The following TSPAN18 variants were observed in gnomAD, a reference collection of about 807,000 sequenced individuals.
The protein encoded by TSPAN18 is tetraspanin-18.
In TSPAN18, 14 loss-of-function variants were observed where a neutral mutation model predicts 27.3. The ratio of observed to expected loss-of-function variants is 0.51; its 90% CI spans 0.34 to 0.80. The LOEUF (loss-of-function observed/expected upper bound fraction) is 0.80. TSPAN18 is among the 30% of genes least tolerant of loss of function. TSPAN18 has a pLI of 0.01. For synonymous variants in TSPAN18, 143 were observed against 136.5 expected (o/e 1.05, Z -0.33); for missense variants, 268 against 323.9 (o/e 0.83, Z 1.32).
At chr11:44,810,604 CTTT>C (rs34519569) in intron 2 of TSPAN18, among the ~76,000 whole-genome samples, 5 of 138,442 alleles carry the variant, frequency 3.6e-5, no homozygotes, top group Admixed American at 7.4e-5. Context: ...AATTTTTTTT[CTTT>C]TTTTTTTTTT....
chr11:44,727,444 C>T (rs2134777601), intron 1 of TSPAN18, among the ~76,000 whole-genome samples, 157 bp downstream of exon 1: 1 of 152,252 alleles, frequency 6.6e-6, no homozygotes, highest in Non-Finnish European at 1.5e-5. Flanking sequence ...AACCAAGTTC[C>T]ACTCAAACTA....
chr11:44,892,516 G>A (rs1858888101), intron 3 of TSPAN18, among the ~76,000 whole-genome samples: 1 of 152,242 alleles, frequency 6.6e-6, no homozygotes, highest in South Asian at 2.1e-4. Context: ...CTGACAAAGT[G>A]GCAAAGTAAC....
At chr11:44,848,364 TGCTGGCTCC>T (rs1857527542) in intron 2 of TSPAN18, among the ~76,000 whole-genome samples, 1 of 152,224 alleles carries the variant, frequency 6.6e-6, no homozygotes, top group Non-Finnish European at 1.5e-5. Context: ...AGGCTGGCTC[TGCTGGCTCC>T]ACTGAGCTGC....
intron 2 of TSPAN18, among the ~76,000 whole-genome samples, chr11:44,839,724 G>C (rs1028844644): frequency 6.6e-6 from 1 of 152,068 alleles, no homozygotes; most frequent in Non-Finnish European, 1.5e-5. Flanking sequence ...GAGCATGCAA[G>C]CGGGGAGGGA....
At chr11:44,835,222 G>C (rs369189221) in intron 2 of TSPAN18, among the ~76,000 whole-genome samples, 81 of 152,340 alleles carry the variant, frequency 5.3e-4, no homozygotes, top group African/African-American at 1.8e-3. Context: ...CTGGAGTATG[G>C]GCAGCCCCCA....
chr11:44,822,300 T>A (rs1856943902), intron 2 of TSPAN18, among the ~76,000 whole-genome samples: 1 of 152,152 alleles, frequency 6.6e-6, no homozygotes, highest in Non-Finnish European at 1.5e-5. Context: ...GTTAAGGCAG[T>A]GCCAGATGCT....
intron 3 of TSPAN18, among the ~76,000 whole-genome samples, chr11:44,870,956 G>C (rs954185358): frequency 4.6e-5 from 7 of 152,168 alleles, no homozygotes; most frequent in Non-Finnish European, 1.0e-4. Context: ...GTGGCATAGA[G>C]ACTGGAGAGG....
intron 1 of TSPAN18, among the ~76,000 whole-genome samples, chr11:44,755,499 C>T (rs1250593723): frequency 6.6e-6 from 1 of 151,992 alleles, no homozygotes; most frequent in Admixed American, 6.6e-5. Context: ...GTTCTCAGCG[C>T]TCAGGTGGCT....
chr11:44,778,065 G>T (rs1427733785), intron 2 of TSPAN18, among the ~76,000 whole-genome samples: 1 of 152,112 alleles, frequency 6.6e-6, no homozygotes, highest in African/African-American at 2.4e-5. Flanking sequence ...CAGGTGGGGG[G>T]TGGGGCAGTT....
intron 2 of TSPAN18, among the ~76,000 whole-genome samples, chr11:44,821,698 G>A (rs1206200904): frequency 5.0e-5 from 3 of 59,634 alleles, no homozygotes; most frequent in Non-Finnish European, 1.3e-4. Context: ...GGTCAGGGAT[G>A]GTTTCTTCTT....
rs1198407640 is a variant in TSPAN18, at chr11:44,785,856, T to A, written c.-153+21344T>A. Among the ~76,000 whole-genome samples the A allele has an allele frequency of 2.0e-5, 3 of 152,078 alleles. No homozygotes were observed. The East Asian group carries it at 5.8e-4, about 29-fold the overall frequency. ...GATGCTGGGGTTCGAGGGGCAAGAG[T>A]GGGAGGTGCCCACAAACTTGCTGGC... is the stretch of plus-strand genomic sequence containing the variant. On this transcript the variant is annotated intron_variant, in intron 2 of 9. Coordinates refer to ENST00000520358, the MANE Select transcript of TSPAN18 (RefSeq NM_130783.5).
intron 3 of TSPAN18, among the ~76,000 whole-genome samples, chr11:44,882,383 C>T (rs1325615047): frequency 1.3e-5 from 2 of 152,144 alleles, no homozygotes; most frequent in Admixed American, 6.5e-5. Flanking sequence ...GAGGCTACCT[C>T]GGGCAAGCAG....
chr11:44,811,375 A>G (rs1033613945), intron 2 of TSPAN18, among the ~76,000 whole-genome samples: 9 of 152,164 alleles, frequency 5.9e-5, no homozygotes, highest in African/African-American at 1.7e-4. Flanking sequence ...ACACTCTACA[A>G]TTAGCCTTGG....
At chr11:44,789,711 A>AG (rs1323947933) in intron 2 of TSPAN18, among the ~76,000 whole-genome samples, 2 of 152,326 alleles carry the variant, frequency 1.3e-5, no homozygotes, top group African/African-American at 2.4e-5. Flanking sequence ...TGGAATGAGA[A>AG]GAAAAAAAAT....
At chr11:44,868,588 C>A in intron 3 of TSPAN18, among the ~76,000 whole-genome samples, 1 of 152,186 alleles carries the variant, frequency 6.6e-6, no homozygotes, top group South Asian at 2.1e-4. Context: ...TAGGGCCAGG[C>A]GGGCACAGCT....
intron 2 of TSPAN18, among the ~76,000 whole-genome samples, chr11:44,821,234 T>A (rs371453124): frequency 7.9e-5 from 12 of 152,224 alleles, no homozygotes; most frequent in Non-Finnish European, 1.8e-4. Context: ...TCTACACTCC[T>A]CAGTGTACAC....
chr11:44,929,140 A>G lies in TSPAN18; in HGVS notation c.709A>G (p.Met237Val), dbSNP rs763856021. 4 of 1,613,524 alleles carry G rather than the reference A, an allele frequency of 2.5e-6. No homozygotes were observed. In the South Asian group the frequency reaches 4.4e-5, roughly 18 times the overall value. ...TTTTCTTTTTTTGCAGCTTTTCGCC[A>G]TGATCTTTGCCATGTGCCTCTTCCG... is the stretch of plus-strand genomic sequence containing the variant. Reference protein sequence around the residue: ...IGVLAIELFAMIFAMCLFRGI... With the variant: ...IGVLAIELFAVIFAMCLFRGI... Residue 237 changes from methionine to valine, a missense_variant, in exon 10 of 10, where the codon ATG becomes GTG. Transcript: ENST00000520358.
Position 44,851,622 on chromosome 11 carries a change from C to CCCG in TSPAN18, c.-152-8704_-152-8703insGCC, listed in dbSNP as rs1554991796. On this transcript the variant is annotated intron_variant, in intron 2 of 9. Transcript: ENST00000520358. ...CCAGGTACTCTTGTCACCTCCCCCC[C>CCCG]CCAACGGCTGGGTCCCTGTCTACCT... 4.0e-5 allele frequency among the ~76,000 whole-genome samples: 6 copies of CCCG among 148,332 alleles called. 1 individual carries two copies. Among genetic ancestry groups the CCCG allele is most frequent in the Non-Finnish European group, 7.6e-5 (5 of 66,130 alleles).
intron 3 of TSPAN18, among the ~76,000 whole-genome samples, chr11:44,906,087 A>T (rs1859443208): frequency 6.6e-6 from 1 of 152,248 alleles, no homozygotes; most frequent in Non-Finnish European, 1.5e-5. Context: ...TGTGCTAAGC[A>T]TGTTACTGTG....
Sources: allele counts gnomAD v4.1 joint callset (sites outside exome capture counted in the v4.1 genomes callset), GRCh38; gene constraint gnomAD v4.1.1; transcripts MANE v1.5; gene names NCBI Gene and HGNC (gene_info 2026-07-23, HGNC 2026-07-21).